The following GARNL3 variants were observed in gnomAD, a reference collection of about 807,000 sequenced individuals.
GARNL3 encodes GTPase-activating Rap/Ran-GAP domain-like protein 3.
In GARNL3, 63 loss-of-function variants were observed where a neutral mutation model predicts 125.0. The observed-to-expected ratio is 0.50, with a 90% CI of 0.41 to 0.62. GARNL3 has a LOEUF of 0.62. Ranked by LOEUF, GARNL3 falls within the 20% of genes least tolerant of loss-of-function variation. The probability of loss-of-function intolerance (pLI) is 0.00; values close to 1 mark genes in which losing one functional copy is unlikely to be tolerated. For missense variants in GARNL3, 994 were observed against 1,244.0 expected (o/e 0.80, Z 3.02); for synonymous variants, 439 against 457.5 (o/e 0.96, Z 0.52).
chr9:127,341,511 C>T (rs1251895489), intron 13 of GARNL3, among the ~76,000 whole-genome samples: 1 of 152,168 alleles, frequency 6.6e-6, no homozygotes, highest in Non-Finnish European at 1.5e-5. Flanking sequence ...TGTTCAAGTC[C>T]AGAGGATCAG....
chr9:127,340,981 C>T (rs1829832017), intron 13 of GARNL3, among the ~76,000 whole-genome samples: 1 of 152,162 alleles, frequency 6.6e-6, no homozygotes, highest in African/African-American at 2.4e-5. Context: ...GGAAACCCCT[C>T]CCTTCCCTTT....
Position 127,231,049 on chromosome 9 carries a change from TA to T in GARNL3, c.-29+6712del, listed in dbSNP as rs1243611756. 1.4e-3 allele frequency among the ~76,000 whole-genome samples: 61 copies of T among 44,058 alleles called. 1 individual carries two copies. Among genetic ancestry groups the T allele is most frequent in the South Asian group, 3.9e-3 (6 of 1,520 alleles). 28.9% of individuals were successfully genotyped at this position (44,058 alleles called of 152,430 possible). On this transcript the variant is annotated intron_variant, in intron 1 of 10. Coordinates refer to the GARNL3 transcript ENST00000439286. The stretch of plus-strand genomic sequence containing the variant: ...ATGTATATATACATATATATATATA[TA>T]TTTTTTTTTTTTTTTTTTTTTTGAG...
At chr9:127,315,592 G>T (rs1486840088) in intron 4 of GARNL3, among the ~76,000 whole-genome samples, 1 of 151,796 alleles carries the variant, frequency 6.6e-6, no homozygotes, top group African/African-American at 2.4e-5. Flanking sequence ...AGTGAGCTAT[G>T]ATTGTACCAC....
At chr9:127,225,256 G>A in intron 1 of GARNL3, 3 of 664,122 alleles carry the variant, frequency 4.5e-6, no homozygotes, top group South Asian at 6.6e-5. Context: ...CCGAGCGGCC[G>A]GCCGAGGCCC....
upstream of GARNL3, chr9:127,264,127 T>G: frequency 4.9e-6 from 3 of 613,232 alleles, no homozygotes; most frequent in Non-Finnish European, 8.0e-6. Context: ...AGAATCAAAC[T>G]TATTAAAACT....
intron 2 of GARNL3, among the ~76,000 whole-genome samples, chr9:127,252,201 TCAATTTGTCTTTTTC>T (rs998614263): frequency 6.6e-6 from 1 of 152,220 alleles, no homozygotes; most frequent in African/African-American, 2.4e-5. Context: ...TTTTCTCTTG[TCAATTTGTCTTTTTC>T]CAGTTAAATT....
intron 2 of GARNL3, among the ~76,000 whole-genome samples, chr9:127,293,163 C>G (rs753093583): frequency 8.5e-5 from 13 of 152,110 alleles, no homozygotes; most frequent in Admixed American, 1.3e-4. Flanking sequence ...ACCTTGTGGG[C>G]ACTTGACTTC....
At chr9:127,258,016 G>A (rs2063522029) in intron 2 of GARNL3, among the ~76,000 whole-genome samples, 1 of 152,014 alleles carries the variant, frequency 6.6e-6, no homozygotes, top group Non-Finnish European at 1.5e-5. Context: ...GTTGCAATGA[G>A]GAAACAGGCT....
intron 1 of GARNL3, among the ~76,000 whole-genome samples, chr9:127,274,113 C>T (rs926122694): frequency 6.6e-6 from 1 of 152,082 alleles, no homozygotes; most frequent in Admixed American, 6.6e-5. Flanking sequence ...TGTATCTAGC[C>T]GTTAACAGCA....
intron 12 of GARNL3, 76 bp downstream of exon 12, chr9:127,338,237 C>A: frequency 8.9e-7 from 1 of 1,122,694 alleles, no homozygotes; most frequent in Non-Finnish European, 1.4e-6. Flanking sequence ...TTACAAGACT[C>A]TTGATATACA....
chr9:127,234,717 G>A (rs1053006983), intron 1 of GARNL3, among the ~76,000 whole-genome samples: 4 of 152,242 alleles, frequency 2.6e-5, no homozygotes, highest in African/African-American at 9.6e-5. Context: ...TCTGGAGGCT[G>A]TAAAGTCCAA....
chr9:127,348,817 G>A, intron 16 of GARNL3, 107 bp from the exon 17 acceptor site: 1 of 681,408 alleles, frequency 1.5e-6, no homozygotes. Flanking sequence ...CTCCCACGGG[G>A]GTATCTGTGT....
At position 127,348,882 on chromosome 9, in the gene GARNL3, T is replaced by C. The variant is rs763335032; in HGVS notation, c.1432-42T>C. On this transcript the variant is annotated intron_variant, in intron 16 of 27. Transcript: ENST00000373387. ...CCATTTGGTGGGCTGCAGTGTATTT[T>C]TTCTGGTGCACTTATCTTCCGATGC... 11 of 1,377,406 alleles carry C rather than the reference T, an allele frequency of 8.0e-6. No individual in the cohort carries two copies. In the African/African-American group the frequency reaches 1.2e-4, roughly 14 times the overall value. The allele number at this position is 1,377,406 out of a possible 1,614,324, so 85.3% of individuals were successfully genotyped here. A position where few individuals can be genotyped will look rare whatever the true frequency, so the allele number is the denominator to read the frequency against.
intron 1 of GARNL3, among the ~76,000 whole-genome samples, chr9:127,281,893 C>CT (rs1373157525): frequency 6.6e-6 from 1 of 152,202 alleles, no homozygotes; most frequent in Admixed American, 6.5e-5. Context: ...AATGGATCTG[C>CT]TTTCTTGACC....
intron 1 of GARNL3, among the ~76,000 whole-genome samples, chr9:127,269,782 T>TTGTGTTTTTTG (rs1056906682): frequency 9.2e-6 from 1 of 108,190 alleles, no homozygotes; most frequent in African/African-American, 2.9e-5. Flanking sequence ...GTTTTGTTTT[T>TTGTGTTTTTTG]TGTGTTTTTT....
chr9:127,288,469 G>T (rs957728448), intron 1 of GARNL3, among the ~76,000 whole-genome samples: 3 of 152,148 alleles, frequency 2.0e-5, no homozygotes, highest in Non-Finnish European at 4.4e-5. Context: ...GAGGAGCAGT[G>T]GTAGATGGGT....
At chr9:127,263,592 CA>C (rs1206313534), upstream of GARNL3, 1 of 682,072 alleles carries the variant, frequency 1.5e-6, no homozygotes, top group Non-Finnish European at 1.8e-6. Context: ...ATATTTAATA[CA>C]GATTGGAATA....
chr9:127,355,539 C>T (rs1830643461), intron 20 of GARNL3, 67 bp downstream of exon 20: 4 of 1,478,814 alleles, frequency 2.7e-6, no homozygotes, highest in Non-Finnish European at 2.8e-6. Flanking sequence ...TGTCCTTCCA[C>T]CCAGAGTTTG....
rs190848533 is a variant in GARNL3 at position 127,254,449 on chromosome 9, T to C, written c.144-10503T>C. Among the ~76,000 whole-genome samples the C allele has an allele frequency of 8.6e-3, 1,308 of 152,292 alleles. 14 individuals carry two copies. The highest frequency in any genetic ancestry group is 0.015 in the Non-Finnish European group (1,005 of 68,006). ...TATCTGGAAGAAGACATCTGTAATT[T>C]GTTAACAAAAAATGGGTTGGTATTC... is the stretch of plus-strand genomic sequence containing the variant. On this transcript the variant is annotated intron_variant, in intron 2 of 10. Transcript: ENST00000439286.
Sources: gnomAD v4.1 joint callset for allele counts (sites outside exome capture counted in the v4.1 genomes callset) on GRCh38, gnomAD v4.1.1 for gene constraint, MANE v1.5 for transcripts, NCBI Gene and HGNC (gene_info 2026-07-23, HGNC 2026-07-21) for gene names.